The following TCF3 variants were observed in gnomAD, a reference collection of about 807,000 sequenced individuals.
TCF3 encodes transcription factor E2-alpha.
In TCF3, 54 loss-of-function variants were observed where a neutral mutation model predicts 72.3. The ratio of observed to expected loss-of-function variants is 0.75; its 90% CI spans 0.60 to 0.94. TCF3 has a LOEUF of 0.94. Among genes scored for constraint, TCF3 ranks in the 40% least tolerant of loss-of-function variants. The pLI is 0.00. For synonymous variants in TCF3, 525 were observed against 412.6 expected (o/e 1.27, Z -3.30); for missense variants, 1,078 against 934.4 (o/e 1.15, Z -2.00).
chr19:1,615,525 GGGGAGGGCGCC>G lies in TCF3; in HGVS notation c.1587-16_1587-6del. The G allele has an allele frequency of 6.2e-7, 1 of 1,606,840 alleles. No individual in the cohort carries two copies. The highest frequency in any genetic ancestry group is 8.5e-7 in the Non-Finnish European group (1 of 1,179,810). Reference sequence around the variant, plus strand: ...TCGTCCTCGTCCTCGTCTGGGCTATGGGGAGGGCGCCGGGAGGGGGCCAGAGGGAGACAGTG... The same window carrying G: ...TCGTCCTCGTCCTCGTCTGGGCTATGGGGAGGGGGCCAGAGGGAGACAGTG... On this transcript the variant is annotated splice_region_variant and splice_polypyrimidine_tract_variant and intron_variant, in intron 17 of 18. Coordinates refer to ENST00000262965, the MANE Select transcript of TCF3 (RefSeq NM_003200.5). The surrounding 1 kb of genome is among the most constrained non-coding windows in gnomAD (Gnocchi z 7.3).
At chr19:1,619,499 G>T in intron 14 of TCF3, 25 bp from the exon 15 acceptor site, 1 of 1,557,280 alleles carries the variant, frequency 6.4e-7, no homozygotes, top group Non-Finnish European at 8.7e-7. Flanking sequence ...GATGGGTGGT[G>T]AGGGGCCCAA....
chr19:1,634,032 G>C (rs2064065897), intron 3 of TCF3, among the ~76,000 whole-genome samples: 1 of 152,236 alleles, frequency 6.6e-6, no homozygotes, highest in Non-Finnish European at 1.5e-5. Flanking sequence ...GCCTGGTGTG[G>C]TGGGGGACCT....
At chr19:1,612,478 G>T in intron 18 of TCF3, 1 of 1,547,414 alleles carries the variant, frequency 6.5e-7, no homozygotes, top group Non-Finnish European at 8.9e-7. Flanking sequence ...CGCCAAGGCT[G>T]GGTGGGAGGG....
chr19:1,633,471 CCTCCCTGCT>C (rs1018207390), intron 3 of TCF3, among the ~76,000 whole-genome samples: 6 of 152,164 alleles, frequency 3.9e-5, no homozygotes, highest in Admixed American at 3.9e-4. Flanking sequence ...CGCCCCCTGC[CCTCCCTGCT>C]CATCCACACC....
chr19:1,650,085 T>C lies in TCF3; in HGVS notation c.72+92A>G. 4.7e-6 allele frequency: 6 copies of C among 1,268,194 alleles called. 1 individual carries two copies. The highest frequency in any genetic ancestry group is 2.7e-5 in the South Asian group (2 of 73,498). 78.6% of individuals were successfully genotyped at this position (1,268,194 alleles called of 1,614,324 possible). A position where few individuals can be genotyped will look rare whatever the true frequency, so the allele number is the denominator to read the frequency against. On this transcript the variant is annotated intron_variant, in intron 2 of 18. Transcript: ENST00000262965. Reference sequence around the variant, plus strand: ...ATCCAAACAGCTGAGGCTCCATCGCTGAAGTATTCAGCAAACACTCTCCCC... The same window carrying C: ...ATCCAAACAGCTGAGGCTCCATCGCCGAAGTATTCAGCAAACACTCTCCCC...
At chr19:1,637,738 G>A (rs751306014) in intron 3 of TCF3, among the ~76,000 whole-genome samples, 7 of 152,126 alleles carry the variant, frequency 4.6e-5, no homozygotes, top group African/African-American at 1.2e-4. Context: ...TGAAACCCCC[G>A]TCTCTACTAA....
chr19:1,617,028 C>T (rs1018140246), intron 16 of TCF3, among the ~76,000 whole-genome samples: 2 of 152,164 alleles, frequency 1.3e-5, no homozygotes, highest in African/African-American at 2.4e-5. Context: ...GCTAGAAACA[C>T]GTGGAAGTCC....
rs2065041069 is a variant in TCF3 at position 1,640,237 on chromosome 19, A to T, written c.145+6118T>A. 3.3e-5 allele frequency among the ~76,000 whole-genome samples: 5 copies of T among 152,204 alleles called. No homozygotes were observed. In the South Asian group the frequency reaches 1.0e-3, roughly 32 times the overall value. ...GGACAGACAGGCGCCTACAAACATT[A>T]TCAAACAGCCAAATGAGGCCGGGCT... On this transcript the variant is annotated intron_variant, in intron 3 of 18. Coordinates refer to ENST00000262965, the MANE Select transcript of TCF3 (RefSeq NM_003200.5).
At position 1,622,208 on chromosome 19, in the gene TCF3, G is replaced by A; in HGVS notation, c.668C>T (p.Pro223Leu). 2.3e-5 allele frequency: 36 copies of A among 1,555,728 alleles called. No homozygotes were observed. The highest frequency in any genetic ancestry group is 3.0e-5 in the Non-Finnish European group (35 of 1,152,032). Residue 223 changes from proline (P) to leucine (L), a missense_variant, in exon 10 of 19, where the codon CCC (proline) becomes CTC (leucine). Transcript: ENST00000262965. ...CGGGGGACTCCAGAGCTCGGCTGAG[G>A]GGTGCAGGCTGCCATCTGTGGAGGG... ...PFYVADGSLH[P>L]SAELWSPPGQ...
At chr19:1,612,061 C>G in intron 18 of TCF3, 1 of 867,812 alleles carries the variant, frequency 1.2e-6, no homozygotes, top group Admixed American at 2.9e-5. Flanking sequence ...CAGGGGGTGT[C>G]TGGGGAACAT....
chr19:1,635,948 C>T (rs772215738), intron 3 of TCF3, among the ~76,000 whole-genome samples: 3 of 152,178 alleles, frequency 2.0e-5, no homozygotes, highest in Admixed American at 6.5e-5. Context: ...CCCCCAAGCC[C>T]GTGCCTCGCC....
At chr19:1,650,505 G>C (rs933242167) in intron 1 of TCF3, 1 of 451,366 alleles carries the variant, frequency 2.2e-6, no homozygotes, top group African/African-American at 2.0e-5. Flanking sequence ...CCTCCCCAGA[G>C]ACCACAGGGA....
chr19:1,610,715 G>A lies in TCF3; in HGVS notation c.*992C>T, dbSNP rs562371279. On this transcript the variant is annotated 3_prime_UTR_variant, in exon 19 of 19. Transcript: ENST00000262965. ...GCTGCTTGGCAGAGTCACCTGGGAG[G>A]GTCAGAGCCACCTTGCTGACGTCCC... 6 of 231,232 alleles carry A rather than the reference G, an allele frequency of 2.6e-5. No homozygotes were observed. The South Asian group carries it at 1.1e-3, about 42-fold the overall frequency. The allele number at this position is 231,232 out of a possible 1,614,324, so 14.3% of individuals were successfully genotyped here.
rs540299245 is a variant in TCF3, at chr19:1,610,077, A to C, written c.*1630T>G. 8.6e-6 allele frequency: 2 copies of C among 232,540 alleles called. No homozygotes were observed. The highest frequency in any genetic ancestry group is 4.4e-5 in the African/African-American group (2 of 45,396). 14.4% of individuals were successfully genotyped at this position (232,540 alleles called of 1,614,324 possible). Reference sequence around the variant, plus strand: ...GTAGGAGACTTGCAGTTTTAAACCCAAGACAGTCCCCAGCCAGCTGGGAAG... The same window carrying C: ...GTAGGAGACTTGCAGTTTTAAACCCCAGACAGTCCCCAGCCAGCTGGGAAG... On this transcript the variant is annotated 3_prime_UTR_variant, in exon 19 of 19. Transcript: ENST00000262965.
intron 3 of TCF3, among the ~76,000 whole-genome samples, chr19:1,641,847 C>T (rs2065288428): frequency 6.6e-6 from 1 of 152,076 alleles, no homozygotes; most frequent in Non-Finnish European, 1.5e-5. Flanking sequence ...CCCATCTCAA[C>T]CTCCCAAAGT....
intron 18 of TCF3, among the ~76,000 whole-genome samples, chr19:1,612,706 G>A (rs2061143937): frequency 6.6e-6 from 1 of 150,628 alleles, no homozygotes; most frequent in South Asian, 2.1e-4. Flanking sequence ...AGCAGTGCGG[G>A]TACACGGCTG....
intron 2 of TCF3, among the ~76,000 whole-genome samples, chr19:1,648,949 G>A (rs1318964561): frequency 6.6e-6 from 1 of 152,148 alleles, no homozygotes; most frequent in Non-Finnish European, 1.5e-5. Flanking sequence ...GAGGCCCCGG[G>A]CCTTTACAGC....
At chr19:1,622,474 T>C (rs2146149452) in intron 8 of TCF3, 59 bp from the exon 9 acceptor site, 2 of 985,822 alleles carry the variant, frequency 2.0e-6, no homozygotes, top group Admixed American at 3.1e-5. Flanking sequence ...GATCAGCCCA[T>C]GCACCTTGCC....
chr19:1,620,899 A>T, intron 13 of TCF3, 69 bp downstream of exon 13: 2 of 1,317,754 alleles, frequency 1.5e-6, no homozygotes, highest in Non-Finnish European at 2.0e-6. Flanking sequence ...GCCTTCACAG[A>T]CCTCAGCCTC....
Sources: gnomAD v4.1 joint callset for allele counts (sites outside exome capture counted in the v4.1 genomes callset) on GRCh38, gnomAD v4.1.1 for gene constraint, Gnocchi (gnomAD v3.1) non-coding constraint, MANE v1.5 for transcripts, NCBI Gene and HGNC (gene_info 2026-07-23, HGNC 2026-07-21) for gene names.